Variants in SCAF11 observed in about 807,000 individuals in gnomAD.
SCAF11 encodes the protein SR-related CTD associated factor 11.
Under a neutral mutation model 140.5 loss-of-function variants are expected in SCAF11, and 47 were observed. The ratio of observed to expected loss-of-function variants is 0.33; its 90% confidence interval spans 0.26 to 0.43. The LOEUF is 0.43. SCAF11 is among the 20% of genes least tolerant of loss of function. SCAF11 has a pLI of 1.00. For synonymous variants in SCAF11, 557 were observed against 579.4 expected, an observed-to-expected ratio of 0.96 and a Z score of 0.55; for missense variants, 1,645 against 1,705.1, an observed-to-expected ratio of 0.96 and a Z score of 0.62.
In SCAF11 at chr12:45,926,673, G is replaced by T. The variant is rs201305916; in HGVS notation, c.3028C>A (p.Pro1010Thr). 1.2e-6 allele frequency: 2 copies of T among 1,613,486 alleles called. No homozygotes were observed. The highest frequency in any genetic ancestry group is 2.7e-5 in the African/African-American group (2 of 74,866). ...TTTCTATGTTTGTCAGCAGAATTTG[G>T]ATCATCAGCATCTAGATGGATGTCA... ...KNDIHLDADDPNSADKHRNDC... is the reference protein window; with the variant it reads ...KNDIHLDADDTNSADKHRNDC... The change falls in exon 11 of 15, where the codon CCA becomes ACA. Residue 1010 changes from proline to threonine, a missense_variant. Coordinates refer to ENST00000369367, the MANE Select transcript of SCAF11 (RefSeq NM_004719.3).
rs747933694 is a variant in SCAF11 at position 45,924,724 on chromosome 12, A to G, written c.3906+4T>C. On this transcript the variant is annotated splice_donor_region_variant and intron_variant, in intron 12 of 14. Transcript: ENST00000369367. ...TGATTAAACTTGAGTTGCTAAAAAC[A>G]TACCTGCAATTGCTTTCCATCTGGT... 1.3e-6 allele frequency: 2 copies of G among 1,598,492 alleles called. No individual in the cohort carries two copies. Among genetic ancestry groups the G allele is most frequent in the Non-Finnish European group, 1.7e-6 (2 of 1,168,388 alleles).
upstream of SCAF11, among the ~76,000 whole-genome samples, chr12:45,991,111 TG>T (rs1324893427): frequency 6.6e-6 from 1 of 152,244 alleles, no homozygotes; most frequent in Non-Finnish European, 1.5e-5. Flanking sequence ...CTGGCTGCGC[TG>T]CCCACCTGAA....
At chr12:45,973,868 T>C (rs1300765617) in intron 1 of SCAF11, among the ~76,000 whole-genome samples, 4 of 152,120 alleles carry the variant, frequency 2.6e-5, no homozygotes, top group East Asian at 1.9e-4. Context: ...AGAAAAACAA[T>C]GTTAGGAATG....
chr12:45,976,370 ATT>A (rs1184503569), intron 1 of SCAF11, among the ~76,000 whole-genome samples: 7 of 152,294 alleles, frequency 4.6e-5, no homozygotes, highest in African/African-American at 1.4e-4. Flanking sequence ...ATTACAGTAT[ATT>A]GTTATAATTG....
rs145937460 is a variant in SCAF11, at chr12:45,939,589, T to C, written c.464-5084A>G. Among the ~76,000 whole-genome samples, 910 of 152,256 alleles carry C rather than the reference T, an allele frequency of 6.0e-3. 8 individuals carry two copies. Among genetic ancestry groups the C allele is most frequent in the African/African-American group, 0.021 (868 of 41,552 alleles). ...GGCGCATGCCTGTAATCCCAGCTAC[T>C]TGGGAGGCTGAGACAGAAGAATTGT... is the stretch of plus-strand genomic sequence containing the variant. On this transcript the variant is annotated intron_variant, in intron 6 of 14. Coordinates refer to ENST00000369367, the MANE Select transcript of SCAF11 (RefSeq NM_004719.3).
chr12:45,971,375 T>G (rs1211713084), intron 1 of SCAF11, among the ~76,000 whole-genome samples: 1 of 152,222 alleles, frequency 6.6e-6, no homozygotes, highest in Non-Finnish European at 1.5e-5. Context: ...CCCACCTTGT[T>G]AATCTCACTG....
chr12:45,964,130 T>A lies in SCAF11; in HGVS notation c.38A>T (p.Asp13Val). ...ACCTTCCATGTCTTCATACTTCTTA[T>A]CTCCCATATTTAGGGTACATACAGT... ...KKTVCTLNMG[D>V]KKYEDMEGEE... Residue 13 changes from aspartate to valine, a missense_variant, in exon 2 of 15, where the codon GAT becomes GTT. Coordinates refer to ENST00000369367, the MANE Select transcript of SCAF11 (RefSeq NM_004719.3). 2.0e-6 allele frequency: 3 copies of A among 1,535,724 alleles called. No individual in the cohort carries two copies. The highest frequency in any genetic ancestry group is 2.7e-6 in the Non-Finnish European group (3 of 1,116,070).
chr12:45,992,028 C>A, upstream of SCAF11: 13 of 1,289,098 alleles, frequency 1.0e-5, no homozygotes, highest in Non-Finnish European at 1.3e-5. Flanking sequence ...CCCCGCCGAC[C>A]GACCGCTTCA....
intron 1 of SCAF11, among the ~76,000 whole-genome samples, chr12:45,972,006 A>G (rs1275421236): frequency 6.6e-6 from 1 of 152,130 alleles, no homozygotes; most frequent in Non-Finnish European, 1.5e-5. Flanking sequence ...AACAGAGAGA[A>G]AAGAACTCAA....
chr12:45,928,330 A>T lies in SCAF11; in HGVS notation c.1371T>A (p.Ser457Arg), dbSNP rs1228070182. 6.2e-7 allele frequency: 1 copy of T among 1,613,988 alleles called. No homozygotes were observed. The change falls in exon 11 of 15, where the codon AGT becomes AGA. Residue 457 changes from serine to arginine, a missense_variant. Around this residue, in one of 2 missense-constraint regions of SCAF11, gnomAD observed 1,582 missense variants for 1,609.2 expected, o/e 0.98. Coordinates refer to ENST00000369367, the MANE Select transcript of SCAF11 (RefSeq NM_004719.3). ...LKSCNEQIEE[S>R]EKHTANYDTE... ...TATCATAATTTGCAGTATGCTTCTC[A>T]CTTTCTTCTATTTGCTCATTGCAAC...
intron 10 of SCAF11, chr12:45,929,861 A>G (rs1006739295): frequency 9.8e-5 from 15 of 152,336 alleles, no homozygotes; most frequent in Non-Finnish European, 1.9e-4. Flanking sequence ...ATTTTCAAAA[A>G]TACAATATAG....
chr12:45,991,941 G>T (rs1020657822), upstream of SCAF11: 21 of 1,288,518 alleles, frequency 1.6e-5, no homozygotes, highest in Non-Finnish European at 2.1e-5. Context: ...GCCTGCCCCC[G>T]TTCTGTTCGC....
intron 4 of SCAF11, among the ~76,000 whole-genome samples, chr12:45,949,770 T>G (rs943236484): frequency 6.6e-6 from 1 of 152,116 alleles, no homozygotes; most frequent in Non-Finnish European, 1.5e-5. Context: ...GTATTCCAGA[T>G]AGAGATGCAC....
intron 1 of SCAF11, among the ~76,000 whole-genome samples, chr12:45,971,360 C>T (rs1382017132): frequency 6.6e-6 from 1 of 152,116 alleles, no homozygotes; most frequent in Non-Finnish European, 1.5e-5. Flanking sequence ...ATGGAATAAA[C>T]ACATCCCACC....
intron 5 of SCAF11, 22 bp from the exon 6 acceptor site, chr12:45,945,335 G>A: frequency 1.4e-6 from 2 of 1,406,688 alleles, no homozygotes; most frequent in South Asian, 1.3e-5. Flanking sequence ...AATAAAGACA[G>A]GAAAGAATTA....
intron 6 of SCAF11, among the ~76,000 whole-genome samples, chr12:45,937,400 C>G (rs1945194787): frequency 6.6e-6 from 1 of 152,078 alleles, no homozygotes; most frequent in South Asian, 2.1e-4. Flanking sequence ...TAAAGTTATT[C>G]CCTATTTTTC....
intron 4 of SCAF11, among the ~76,000 whole-genome samples, chr12:45,951,041 GTTTT>G (rs937341253): frequency 6.6e-6 from 1 of 151,808 alleles, no homozygotes; most frequent in African/African-American, 2.4e-5. Flanking sequence ...ACTCAGACAT[GTTTT>G]TTTGTTTTTT....
chr12:45,922,925 C>T lies in SCAF11; in HGVS notation c.4125+11G>A. The T allele has an allele frequency of 6.2e-7, 1 of 1,613,010 alleles. No homozygotes were observed. The highest frequency in any genetic ancestry group is 1.1e-5 in the South Asian group (1 of 91,062). ...CAGAATTATGAAGGTTGCTCTCAACCTTGAACTTGCCTTGTCTGTCTTCGA... is the reference window on the plus strand; with the variant it reads ...CAGAATTATGAAGGTTGCTCTCAACTTTGAACTTGCCTTGTCTGTCTTCGA... On this transcript the variant is annotated intron_variant, in intron 13 of 14. Coordinates refer to ENST00000369367, the MANE Select transcript of SCAF11 (RefSeq NM_004719.3).
intron 8 of SCAF11, among the ~76,000 whole-genome samples, chr12:45,933,705 A>G (rs573004598): frequency 6.6e-6 from 1 of 152,290 alleles, no homozygotes; most frequent in South Asian, 2.1e-4. Flanking sequence ...CTAAAATTAA[A>G]TCACACAATC....
Sources: allele counts gnomAD v4.1 joint callset (sites outside exome capture counted in the v4.1 genomes callset), GRCh38; gene constraint gnomAD v4.1.1; regional missense constraint gnomAD v4.1.1; transcripts MANE v1.5; gene names NCBI Gene and HGNC (gene_info 2026-07-23, HGNC 2026-07-21).